The following ERMP1 variants were observed in gnomAD, a reference collection of about 807,000 sequenced individuals.
ERMP1 encodes endoplasmic reticulum metallopeptidase 1.
A neutral mutation model predicts 92.0 loss-of-function variants in ERMP1; 86 were observed. That is an observed-to-expected ratio of 0.93 (90% CI 0.79 to 1.12). The LOEUF is 1.12. ERMP1 is among the 50% of genes most tolerant of loss of function. The probability of loss-of-function intolerance (pLI) is 0.00; values close to 1 mark genes in which losing one functional copy is unlikely to be tolerated. For missense variants in ERMP1, 1,342 were observed against 1,116.3 expected (o/e 1.20, Z -2.88); for synonymous variants, 530 against 412.8 (o/e 1.28, Z -3.44).
At chr9:5,812,828 T>G in intron 5 of ERMP1, 61 bp downstream of exon 5, 1 of 1,584,414 alleles carries the variant, frequency 6.3e-7, no homozygotes, top group Non-Finnish European at 8.7e-7. Context: ...ACTTTCAAGA[T>G]TTAAAATTTG....
intron 6 of ERMP1, among the ~76,000 whole-genome samples, chr9:5,853,358 TG>T (rs1397980637): frequency 6.6e-6 from 1 of 152,208 alleles, no homozygotes; most frequent in Non-Finnish European, 1.5e-5. Flanking sequence ...TGGCATACTT[TG>T]GGGTGGTATA....
chr9:5,865,683 CA>C (rs1830635927), intron 5 of ERMP1, among the ~76,000 whole-genome samples: 1 of 148,582 alleles, frequency 6.7e-6, no homozygotes, highest in South Asian at 2.1e-4. Flanking sequence ...TACTAAAATA[CA>C]AAAATTAGCT....
chr9:5,829,893 T>G (rs1291504375), intron 2 of ERMP1, among the ~76,000 whole-genome samples: 1 of 152,236 alleles, frequency 6.6e-6, no homozygotes, highest in Non-Finnish European at 1.5e-5. Flanking sequence ...TGAATACAAT[T>G]TTCTGAAAAA....
chr9:5,825,300 TCTC>T (rs1829691208), intron 2 of ERMP1, 81 bp from the exon 3 acceptor site: 1 of 1,381,784 alleles, frequency 7.2e-7, no homozygotes, highest in Non-Finnish European at 9.8e-7. Context: ...AATGGAGCTT[TCTC>T]CTCAGAGAAG....
rs371040727 is a variant in ERMP1 at position 5,799,048 on chromosome 9, T to C, written c.2068-40A>G. On this transcript the variant is annotated intron_variant, in intron 11 of 14. Transcript: ENST00000339450. Reference sequence around the variant, plus strand: ...CTAGTGAAAAAACTGTTTCAACTAGTACACCCACATTCCCACCCCAGATTA... The same window carrying C: ...CTAGTGAAAAAACTGTTTCAACTAGCACACCCACATTCCCACCCCAGATTA... 21 of 1,442,144 alleles carry C rather than the reference T, an allele frequency of 1.5e-5. No individual in the cohort carries two copies. The African/African-American group carries it at 2.8e-4, about 19-fold the overall frequency. The allele number at this position is 1,442,144 out of a possible 1,614,324, so 89.3% of individuals were successfully genotyped here.
chr9:5,862,263 C>T (rs1010229803), intron 5 of ERMP1, among the ~76,000 whole-genome samples: 2 of 151,820 alleles, frequency 1.3e-5, no homozygotes, highest in African/African-American at 4.8e-5. Context: ...AACTCCTGGC[C>T]TCAGGTGATC....
intron 2 of ERMP1, among the ~76,000 whole-genome samples, chr9:5,829,920 TG>T (rs1239877106): frequency 6.6e-6 from 1 of 152,260 alleles, no homozygotes; most frequent in African/African-American, 2.4e-5. Flanking sequence ...TTTTAATAAA[TG>T]GAAGTTCAAT....
intron 6 of ERMP1, among the ~76,000 whole-genome samples, chr9:5,843,910 G>A (rs764142820): frequency 1.3e-5 from 2 of 152,256 alleles, no homozygotes; most frequent in Non-Finnish European, 2.9e-5. Context: ...TGTGTCCTGG[G>A]GGGAGGAAGG....
chr9:5,839,377 G>A (rs914689249), intron 6 of ERMP1, among the ~76,000 whole-genome samples: 3 of 152,120 alleles, frequency 2.0e-5, no homozygotes, highest in African/African-American at 7.2e-5. Context: ...CCATGAACCC[G>A]GAAGTCTCTA....
chr9:5,785,276 AG>A lies in ERMP1; in HGVS notation c.*1867del, dbSNP rs1827889459. ...CTTCCCATAGAGGGGGGGAATTCAC[AG>A]GGAACACTAATTATATCAGATGAAC... On this transcript the variant is annotated 3_prime_UTR_variant, in exon 15 of 15. Coordinates refer to ENST00000339450, the MANE Select transcript of ERMP1 (RefSeq NM_024896.3). 1 of 152,242 alleles carries A rather than the reference AG, an allele frequency of 6.6e-6. No homozygotes were observed. The highest frequency in any genetic ancestry group is 2.4e-5 in the African/African-American group (1 of 41,474). The allele number at this position is 152,242 out of a possible 1,614,324, so 9.4% of individuals were successfully genotyped here. A position where few individuals can be genotyped will look rare whatever the true frequency, so the allele number is the denominator to read the frequency against.
intron 9 of ERMP1, 35 bp downstream of exon 9, chr9:5,805,576 T>C (rs1828838082): frequency 6.7e-7 from 1 of 1,501,344 alleles, no homozygotes; most frequent in African/African-American, 1.4e-5. Flanking sequence ...TTTTAAGGTA[T>C]TCTCCCATGT....
chr9:5,812,950 C>A lies in ERMP1; in HGVS notation c.960G>T (p.Gln320His), dbSNP rs140191022. ...CAGTATCTGAAGGAATGATTCCACT[C>A]TGAAAAACCTCCTGAGCCACCACAG... ...FASVVAQEVFQSGIIPSDTDF... is the reference protein window; with the variant it reads ...FASVVAQEVFHSGIIPSDTDF... The change falls in exon 5 of 15, where the codon CAG becomes CAT. Residue 320 changes from glutamine to histidine, a missense_variant. Gln to His is a conservative substitution (Grantham distance 24, BLOSUM62 0). Coordinates refer to ENST00000339450, the MANE Select transcript of ERMP1 (RefSeq NM_024896.3). The A allele has an allele frequency of 5.0e-6, 8 of 1,614,074 alleles. No homozygotes were observed. In the African/African-American group the frequency reaches 1.1e-4, roughly 22 times the overall value.
chr9:5,818,245 A>G (rs1275920604), intron 4 of ERMP1, among the ~76,000 whole-genome samples: 1 of 152,168 alleles, frequency 6.6e-6, no homozygotes, highest in Non-Finnish European at 1.5e-5. Context: ...GAGGAATAAG[A>G]CTAGCTAGCA....
chr9:5,793,283 T>C (rs1260136), intron 13 of ERMP1, among the ~76,000 whole-genome samples: 1 of 150,520 alleles, frequency 6.6e-6, no homozygotes, highest in Non-Finnish European at 1.5e-5. Context: ...AAAAAAAAAA[T>C]AGTAGTGTAA....
chr9:5,823,967 G>C lies in ERMP1; in HGVS notation c.803C>G (p.Ala268Gly). Residue 268 changes from alanine (A) to glycine (G), a missense_variant, in exon 4 of 15, where the codon GCT becomes GGT. By Grantham distance (60) the Ala-to-Gly change is moderately conservative. Coordinates refer to ENST00000339450, the MANE Select transcript of ERMP1 (RefSeq NM_024896.3). ...SHGFITQHPW[A>G]SLIRAFINLE... The stretch of plus-strand genomic sequence containing the variant: ...GTTAATGAATGCACGAATCAAGCTA[G>C]CCCAGGGGTGCTGAGTAATGAAACC... The C allele has an allele frequency of 6.2e-7, 1 of 1,614,072 alleles. No individual in the cohort carries two copies. Among genetic ancestry groups the C allele is most frequent in the Admixed American group, 1.7e-5 (1 of 60,016 alleles).
intron 10 of ERMP1, among the ~76,000 whole-genome samples, chr9:5,803,302 T>C (rs1305914684): frequency 6.6e-6 from 1 of 152,216 alleles, no homozygotes; most frequent in Non-Finnish European, 1.5e-5. Context: ...TTTCACATTA[T>C]AATGAAAAAT....
At chr9:5,824,531 T>C (rs937699906) in intron 3 of ERMP1, among the ~76,000 whole-genome samples, 25 of 152,102 alleles carry the variant, frequency 1.6e-4, no homozygotes, top group Non-Finnish European at 3.1e-4. Flanking sequence ...ACCTCCCGAA[T>C]AGCTGGGATT....
chr9:5,844,911 G>C lies in ERMP1; in HGVS notation n.3200-11599C>G, dbSNP rs571117713. Among the ~76,000 whole-genome samples, 10 of 152,268 alleles carry C rather than the reference G, an allele frequency of 6.6e-5. No individual in the cohort carries two copies. The East Asian group carries it at 1.9e-3, about 29-fold the overall frequency. On this transcript the variant is annotated intron_variant and non_coding_transcript_variant, in intron 6 of 6. Transcript: ENST00000690753. ...CCCAACTGGTCTACCAAAAATTATG[G>C]CTGCTTTGAGCATGTCAGCCTTGTG...
intron 13 of ERMP1, among the ~76,000 whole-genome samples, chr9:5,796,754 G>A (rs967793824): frequency 5.9e-5 from 9 of 152,174 alleles, no homozygotes; most frequent in Non-Finnish European, 1.0e-4. Context: ...TGAAGCACAG[G>A]GCATTTCTAG....
Sources: allele counts gnomAD v4.1 joint callset (sites outside exome capture counted in the v4.1 genomes callset), GRCh38; gene constraint gnomAD v4.1.1; transcripts MANE v1.5; gene names NCBI Gene and HGNC (gene_info 2026-07-23, HGNC 2026-07-21).